The following FBXL5 variants were observed in gnomAD, a reference collection of about 807,000 sequenced individuals.
The protein encoded by FBXL5 is F-box and leucine rich repeat protein 5, also known as F-box/LRR-repeat protein 5.
Under a neutral mutation model 78.3 loss-of-function variants are expected in FBXL5, and 26 were observed. That is an observed-to-expected ratio of 0.33 (90% CI 0.24 to 0.46). FBXL5 has a LOEUF of 0.46. FBXL5 is among the 20% of genes least tolerant of loss of function. The probability of loss-of-function intolerance (pLI) is 1.00; values close to 1 mark genes in which losing one functional copy is unlikely to be tolerated. For missense variants in FBXL5, 710 were observed against 829.2 expected (o/e 0.86, Z 1.77); for synonymous variants, 295 against 282.5 (o/e 1.04, Z -0.45).
At chr4:15,634,020 A>C (rs1055124347) in intron 5 of FBXL5, among the ~76,000 whole-genome samples, 69 of 152,292 alleles carry the variant, frequency 4.5e-4, no homozygotes, top group African/African-American at 1.7e-3. Flanking sequence ...GGTGCTTAGC[A>C]ACAACCCTGG....
rs995981717 is a variant in FBXL5 at position 15,605,325 on chromosome 4, A to G, written c.*398T>C. ...TGTCTTTGAAAATAAGTCTTCAGAC[A>G]TGTGTGTCGGAAAAGATCTGCAAAG... is the stretch of plus-strand genomic sequence containing the variant. On this transcript the variant is annotated 3_prime_UTR_variant, in exon 11 of 11. Coordinates refer to ENST00000341285, the MANE Select transcript of FBXL5 (RefSeq NM_012161.4). 2 of 153,870 alleles carry G rather than the reference A, an allele frequency of 1.3e-5. No homozygotes were observed. The highest frequency in any genetic ancestry group is 4.9e-5 in the African/African-American group (2 of 41,160). The allele number at this position is 153,870 out of a possible 1,614,324, so 9.5% of individuals were successfully genotyped here.
intron 1 of FBXL5, among the ~76,000 whole-genome samples, chr4:15,666,037 T>A (rs1717530868): frequency 1.4e-5 from 2 of 146,728 alleles, no homozygotes; most frequent in Non-Finnish European, 3.0e-5. Flanking sequence ...AAAAAAAAAA[T>A]GACCATTTCC....
At chr4:15,651,222 A>G (rs1716001543) in intron 1 of FBXL5, among the ~76,000 whole-genome samples, 1 of 152,210 alleles carries the variant, frequency 6.6e-6, no homozygotes, top group Non-Finnish European at 1.5e-5. Flanking sequence ...ACCCACAGGT[A>G]AACTGTTTTG....
chr4:15,667,930 A>G (rs906038206), intron 1 of FBXL5, among the ~76,000 whole-genome samples: 2 of 151,734 alleles, frequency 1.3e-5, no homozygotes, highest in Non-Finnish European at 2.9e-5. Context: ...AATCCCAGCT[A>G]CTCGGGAGGT....
upstream of FBXL5, among the ~76,000 whole-genome samples, chr4:15,661,842 C>T (rs532256929): frequency 5.3e-4 from 80 of 152,268 alleles, no homozygotes; most frequent in African/African-American, 1.1e-3. Context: ...TGCGATCATC[C>T]GATGACATAA....
intron 1 of FBXL5, among the ~76,000 whole-genome samples, chr4:15,670,129 T>TG (rs1183085472): frequency 4.6e-5 from 7 of 152,240 alleles, no homozygotes; most frequent in African/African-American, 1.7e-4. Context: ...CACTGCTAAG[T>TG]AGTATTCTCA....
At chr4:15,639,129 A>G (rs1161608956) in intron 3 of FBXL5, among the ~76,000 whole-genome samples, 1 of 152,238 alleles carries the variant, frequency 6.6e-6, no homozygotes, top group Non-Finnish European at 1.5e-5. Context: ...GCGCCATTGC[A>G]CTCCAGCCTG....
chr4:15,634,205 A>G (rs1314984481), intron 5 of FBXL5, among the ~76,000 whole-genome samples: 1 of 152,056 alleles, frequency 6.6e-6, no homozygotes, highest in Admixed American at 6.6e-5. Context: ...TCTTTTTAAG[A>G]CAGAGTCTTC....
intron 1 of FBXL5, among the ~76,000 whole-genome samples, chr4:15,653,798 T>G (rs764544748): frequency 6.6e-6 from 1 of 152,244 alleles, no homozygotes; most frequent in Non-Finnish European, 1.5e-5. Flanking sequence ...TTCTCCTAGA[T>G]GAGTGGTTCT....
intron 1 of FBXL5, among the ~76,000 whole-genome samples, chr4:15,671,759 T>G (rs895327117): frequency 6.6e-6 from 1 of 152,206 alleles, no homozygotes; most frequent in Non-Finnish European, 1.5e-5. Flanking sequence ...ATTTTTTTGG[T>G]GTGACTTTGA....
At chr4:15,614,348 T>G (rs1371497063) in intron 9 of FBXL5, among the ~76,000 whole-genome samples, 2 of 151,654 alleles carry the variant, frequency 1.3e-5, no homozygotes, top group African/African-American at 4.8e-5. Context: ...AGGAGGGGAG[T>G]GAAGTGGACT....
intron 9 of FBXL5, among the ~76,000 whole-genome samples, chr4:15,623,626 G>A (rs549315995): frequency 1.2e-4 from 18 of 152,188 alleles, no homozygotes; most frequent in African/African-American, 3.9e-4. Flanking sequence ...ATACAGACAT[G>A]TAATAAAAAT....
At chr4:15,650,014 A>C (rs1715794175) in intron 1 of FBXL5, among the ~76,000 whole-genome samples, 1 of 152,214 alleles carries the variant, frequency 6.6e-6, no homozygotes, top group South Asian at 2.1e-4. Context: ...TGTCAGAAAG[A>C]ACACTTGCTC....
chr4:15,640,859 C>T lies in FBXL5; in HGVS notation c.325G>A (p.Ala109Thr). The T allele has an allele frequency of 6.5e-7, 1 of 1,540,626 alleles. No individual in the cohort carries two copies. Among genetic ancestry groups the T allele is most frequent in the Non-Finnish European group, 8.7e-7 (1 of 1,143,940 alleles). ...VKNEYEQLNY[A>T]KQLKERLEAF... The stretch of plus-strand genomic sequence containing the variant: ...TCCAATCTCTCTTTCAGTTGTTTTG[C>T]ATAATTTAACTGTTCATATTCATTC... Residue 109 changes from alanine to threonine, a missense_variant, in exon 3 of 11, where the codon GCA becomes ACA. Coordinates refer to ENST00000341285, the MANE Select transcript of FBXL5 (RefSeq NM_012161.4).
At position 15,604,521 on chromosome 4, in the gene FBXL5, A is replaced by G. The variant is rs1174549553; in HGVS notation, c.*1202T>C. On this transcript the variant is annotated 3_prime_UTR_variant, in exon 11 of 11. Coordinates refer to ENST00000341285, the MANE Select transcript of FBXL5 (RefSeq NM_012161.4). ...AAAACTATGAAATACTCCAAGAATT[A>G]TCACAATATACGAGACATGAAAGGA... The G allele has an allele frequency of 7.3e-6, 1 of 136,400 alleles. No individual in the cohort carries two copies. The highest frequency in any genetic ancestry group is 1.6e-5 in the Non-Finnish European group (1 of 62,564). 8.4% of individuals were successfully genotyped at this position (136,400 alleles called of 1,614,324 possible). A position where few individuals can be genotyped will look rare whatever the true frequency, so the allele number is the denominator to read the frequency against.
chr4:15,681,306 G>A (rs1257031884), intron 1 of FBXL5: 1 of 155,694 alleles, frequency 6.4e-6, no homozygotes. Context: ...CAGCGTCCTG[G>A]CCCCGCCAGG....
At chr4:15,636,381 A>G in intron 5 of FBXL5, 113 bp downstream of exon 5, 1 of 841,064 alleles carries the variant, frequency 1.2e-6, no homozygotes. Flanking sequence ...TAACTATAAA[A>G]TCTACTTTTT....
chr4:15,668,238 A>G (rs1269834232), intron 1 of FBXL5, among the ~76,000 whole-genome samples: 1 of 151,044 alleles, frequency 6.6e-6, no homozygotes, highest in Admixed American at 6.6e-5. Flanking sequence ...GTCAAAACAC[A>G]TTATCTAGTA....
upstream of FBXL5, chr4:15,655,488 C>T (rs1716807974): frequency 5.4e-5 from 35 of 652,210 alleles, no homozygotes; most frequent in South Asian, 2.2e-3. Flanking sequence ...ACCGGGCGCG[C>T]GCAGAGGCTC....
Sources: allele counts gnomAD v4.1 joint callset (sites outside exome capture counted in the v4.1 genomes callset), GRCh38; gene constraint gnomAD v4.1.1; transcripts MANE v1.5; gene names NCBI Gene and HGNC (gene_info 2026-07-23, HGNC 2026-07-21).